ASIC5: variants seen among roughly 807,000 people sequenced by gnomAD.
The protein encoded by ASIC5 is acid sensing ion channel subunit family member 5.
A neutral mutation model predicts 51.2 loss-of-function variants in ASIC5; 52 were observed. That is an observed-to-expected ratio of 1.02 (90% CI 0.81 to 1.28). ASIC5 has a LOEUF of 1.28. Ranked by LOEUF, ASIC5 falls within the 50% of genes most tolerant of loss-of-function variation. ASIC5 has a pLI of 0.00. For missense variants in ASIC5, 635 were observed against 595.0 expected (o/e 1.07, Z -0.70); for synonymous variants, 231 against 200.7 (o/e 1.15, Z -1.28).
chr4:155,851,572 G>T (rs993125949), intron 4 of ASIC5, among the ~76,000 whole-genome samples: 2 of 151,886 alleles, frequency 1.3e-5, no homozygotes, highest in East Asian at 3.9e-4. Context: ...CAAAAGGTCA[G>T]AATTAACTAA....
At chr4:155,860,473 G>A (rs1429975379) in intron 2 of ASIC5, among the ~76,000 whole-genome samples, 1 of 151,854 alleles carries the variant, frequency 6.6e-6, no homozygotes, top group African/African-American at 2.4e-5. Flanking sequence ...TTCCTGATCT[G>A]TCATTAATTT....
chr4:155,857,708 C>A (rs1289909700), intron 2 of ASIC5, among the ~76,000 whole-genome samples: 1 of 152,016 alleles, frequency 6.6e-6, no homozygotes, highest in African/African-American at 2.4e-5. Flanking sequence ...CTGACTCAGG[C>A]CTTATTTGAG....
At chr4:155,865,863 A>G (rs1023751572) in intron 1 of ASIC5, among the ~76,000 whole-genome samples, 7 of 152,156 alleles carry the variant, frequency 4.6e-5, no homozygotes, top group African/African-American at 1.7e-4. Context: ...CATTTTGAGG[A>G]ACATCAAATC....
At chr4:155,859,412 G>T (rs777254791) in intron 2 of ASIC5, among the ~76,000 whole-genome samples, 6 of 151,754 alleles carry the variant, frequency 4.0e-5, no homozygotes, top group Non-Finnish European at 8.8e-5. Context: ...GTATTAAAAA[G>T]GGATCTCTGA....
At chr4:155,863,855 C>CTCT (rs1741789083) in intron 1 of ASIC5, 101 bp from the exon 2 acceptor site, 1 of 911,986 alleles carries the variant, frequency 1.1e-6, no homozygotes, top group East Asian at 2.6e-5. Flanking sequence ...AAAGAGGTGA[C>CTCT]TCTTTTTACT....
At chr4:155,834,862 GAGAGA>G (rs1268858550) in intron 8 of ASIC5, among the ~76,000 whole-genome samples, 1 of 152,136 alleles carries the variant, frequency 6.6e-6, no homozygotes, top group African/African-American at 2.4e-5. Context: ...GGCAGAGAAA[GAGAGA>G]AGAGAAGGCA....
At chr4:155,830,679 A>G (rs1249707310) in intron 9 of ASIC5, among the ~76,000 whole-genome samples, 1 of 152,154 alleles carries the variant, frequency 6.6e-6, no homozygotes, top group Non-Finnish European at 1.5e-5. Context: ...CAGCCATTCC[A>G]TAATCTTTAT....
chr4:155,863,827 A>T (rs1185784648), intron 1 of ASIC5, 73 bp from the exon 2 acceptor site: 2 of 1,189,196 alleles, frequency 1.7e-6, no homozygotes, highest in Non-Finnish European at 2.3e-6. Flanking sequence ...CCGTAAAAAA[A>T]CACAACTCAC....
At position 155,839,697 on chromosome 4, in the gene ASIC5, T is replaced by C. The variant is rs558070618; in HGVS notation, c.1010-828A>G. Among the ~76,000 whole-genome samples, 12 of 151,586 alleles carry C rather than the reference T, an allele frequency of 7.9e-5. No individual in the cohort carries two copies. In the South Asian group the frequency reaches 2.5e-3, roughly 32 times the overall value. ...TGTTTGGCTAACTGTAAGGAAGTGCTCTTTATGAATAAAATACAATAAGTA... is the reference window on the plus strand; with the variant it reads ...TGTTTGGCTAACTGTAAGGAAGTGCCCTTTATGAATAAAATACAATAAGTA... On this transcript the variant is annotated intron_variant, in intron 6 of 9. Transcript: ENST00000537611.
intron 3 of ASIC5, among the ~76,000 whole-genome samples, chr4:155,852,634 T>C (rs976795845): frequency 5.3e-5 from 8 of 152,038 alleles, no homozygotes; most frequent in African/African-American, 1.9e-4. Flanking sequence ...GGAGCACTAC[T>C]TCAGCATCCT....
At chr4:155,846,847 C>T (rs1340269347) in intron 4 of ASIC5, among the ~76,000 whole-genome samples, 2 of 151,360 alleles carry the variant, frequency 1.3e-5, no homozygotes, top group East Asian at 3.9e-4. Flanking sequence ...TATAGAAAAA[C>T]ATTCTTGCTA....
At chr4:155,834,250 A>G (rs764462389) in intron 8 of ASIC5, among the ~76,000 whole-genome samples, 55 of 152,206 alleles carry the variant, frequency 3.6e-4, no homozygotes, top group Non-Finnish European at 6.8e-4. Flanking sequence ...TGGATTGACC[A>G]TGAAGTAGCA....
rs1740831076 is a variant in ASIC5 at position 155,829,732 on chromosome 4, A to T, written c.*124T>A. The T allele has an allele frequency of 1.9e-6, 1 of 534,380 alleles. No individual in the cohort carries two copies. 33.1% of individuals were successfully genotyped at this position (534,380 alleles called of 1,614,324 possible). ...CAAATAGAAAGAAATATATATGAAG[A>T]GATACATATCTTTAATGGCTTTTAT... On this transcript the variant is annotated 3_prime_UTR_variant, in exon 10 of 10. Transcript: ENST00000537611.
At chr4:155,849,849 A>G (rs1005474769) in intron 4 of ASIC5, among the ~76,000 whole-genome samples, 1 of 152,072 alleles carries the variant, frequency 6.6e-6, no homozygotes, top group Admixed American at 6.6e-5. Context: ...TACATAAGCC[A>G]CTTTTCATAC....
chr4:155,846,362 T>A (rs1406345388), intron 4 of ASIC5, among the ~76,000 whole-genome samples: 1 of 152,130 alleles, frequency 6.6e-6, no homozygotes, highest in Non-Finnish European at 1.5e-5. Context: ...TCATTACTTG[T>A]GTAGTTTTTA....
At chr4:155,844,030 T>C (rs1741181603) in intron 4 of ASIC5, among the ~76,000 whole-genome samples, 200 bp from the exon 5 acceptor site, 1 of 152,124 alleles carries the variant, frequency 6.6e-6, no homozygotes, top group African/African-American at 2.4e-5. Flanking sequence ...GGAAACTATC[T>C]TGGGTCCCTT....
At position 155,829,793 on chromosome 4, in the gene ASIC5, T is replaced by A. The variant is rs1000596740; in HGVS notation, c.*63A>T. On this transcript the variant is annotated 3_prime_UTR_variant, in exon 10 of 10. Transcript: ENST00000537611. ...AAACTATAGAAAAGTGACGTAACAA[T>A]GAATTAGTCAAGATAAATCTGAAGG... is the stretch of plus-strand genomic sequence containing the variant. 7.6e-6 allele frequency: 8 copies of A among 1,057,920 alleles called. No individual in the cohort carries two copies. In the South Asian group the frequency reaches 1.2e-4, roughly 16 times the overall value. 65.5% of individuals were successfully genotyped at this position (1,057,920 alleles called of 1,614,324 possible). A position where few individuals can be genotyped will look rare whatever the true frequency, so the allele number is the denominator to read the frequency against.
At chr4:155,844,978 G>A (rs1389744125) in intron 4 of ASIC5, among the ~76,000 whole-genome samples, 1 of 152,000 alleles carries the variant, frequency 6.6e-6, no homozygotes, top group Non-Finnish European at 1.5e-5. Flanking sequence ...GAAAAGCTAA[G>A]TCTGCTAGCA....
At chr4:155,848,868 C>A in intron 4 of ASIC5, among the ~76,000 whole-genome samples, 1 of 151,982 alleles carries the variant, frequency 6.6e-6, no homozygotes, top group East Asian at 1.9e-4. Context: ...GTTTGCTGAT[C>A]CTTTGTTTTG....
Sources: gnomAD v4.1 joint callset for allele counts (sites outside exome capture counted in the v4.1 genomes callset) on GRCh38, gnomAD v4.1.1 for gene constraint, MANE v1.5 for transcripts, NCBI Gene and HGNC (gene_info 2026-07-23, HGNC 2026-07-21) for gene names.